The following PTPRT variants were observed in gnomAD, a reference collection of about 807,000 sequenced individuals.
PTPRT encodes the protein receptor-type tyrosine-protein phosphatase T.
PTPRT carries 56 observed loss-of-function variants against 176.8 expected under a neutral mutation model. That is an observed-to-expected ratio of 0.32 (90% CI 0.26 to 0.40). PTPRT has a LOEUF of 0.40. Among genes scored for constraint, PTPRT ranks in the 10% least tolerant of loss-of-function variants. The pLI is 1.00. For missense variants in PTPRT, 1,540 were observed against 1,908.2 expected (o/e 0.81, Z 3.60); for synonymous variants, 783 against 739.0 (o/e 1.06, Z -0.96).
intron 16 of PTPRT, among the ~76,000 whole-genome samples, chr20:42,189,432 A>T (rs1413404292): frequency 2.0e-5 from 3 of 152,202 alleles, no homozygotes. Flanking sequence ...GAGGACAGTA[A>T]TATCATTGGA....
At chr20:42,526,546 T>C (rs928196285) in intron 7 of PTPRT, among the ~76,000 whole-genome samples, 1 of 152,194 alleles carries the variant, frequency 6.6e-6, no homozygotes, top group African/African-American at 2.4e-5. Context: ...AGATAATTGC[T>C]TAATTTTCTT....
chr20:42,799,790 G>A (rs978410802), intron 2 of PTPRT, among the ~76,000 whole-genome samples: 1 of 152,074 alleles, frequency 6.6e-6, no homozygotes, highest in Non-Finnish European at 1.5e-5. Context: ...GTTTCTTCAC[G>A]TGCAAAACAG....
At chr20:42,265,319 A>G (rs2056821274) in intron 13 of PTPRT, among the ~76,000 whole-genome samples, 1 of 152,054 alleles carries the variant, frequency 6.6e-6, no homozygotes, top group Non-Finnish European at 1.5e-5. Context: ...TAGTTTCATC[A>G]TTTCAGAGTT....
At chr20:42,354,085 T>A (rs566349904) in intron 9 of PTPRT, among the ~76,000 whole-genome samples, 2 of 152,108 alleles carry the variant, frequency 1.3e-5, no homozygotes, top group South Asian at 4.2e-4. Flanking sequence ...AATTATGGTA[T>A]AATATACATA....
intron 19 of PTPRT, among the ~76,000 whole-genome samples, chr20:42,127,759 C>A (rs751979221): frequency 1.3e-5 from 2 of 152,212 alleles, no homozygotes; most frequent in Non-Finnish European, 2.9e-5. Flanking sequence ...AGCAAATTCT[C>A]TCACTTCCAT....
intron 12 of PTPRT, among the ~76,000 whole-genome samples, chr20:42,292,770 G>A (rs767744947): frequency 4.6e-5 from 7 of 152,170 alleles, no homozygotes; most frequent in Non-Finnish European, 7.3e-5. Context: ...TGTTTGACTT[G>A]ACGCAGGACC....
At chr20:42,658,562 T>G (rs74517662) in intron 7 of PTPRT, among the ~76,000 whole-genome samples, 1,933 of 152,272 alleles carry the variant, frequency 0.013, 38 homozygotes, top group Middle Eastern at 0.051. Context: ...CCCCAGCTAG[T>G]AATATGTGCA....
At chr20:42,489,788 G>A (rs1368567478) in intron 7 of PTPRT, among the ~76,000 whole-genome samples, 1 of 144,890 alleles carries the variant, frequency 6.9e-6, no homozygotes, top group African/African-American at 2.9e-5. Context: ...CTTTCCCTAT[G>A]AAAGACACAA....
chr20:42,564,070 A>C (rs570534954), intron 7 of PTPRT, among the ~76,000 whole-genome samples: 5 of 152,310 alleles, frequency 3.3e-5, no homozygotes, highest in African/African-American at 1.2e-4. Context: ...TTACAGGGCC[A>C]GGGCTGGAGG....
In PTPRT at chr20:42,367,387, G is replaced by A. The variant is rs142840454; in HGVS notation, c.1561-15102C>T. On this transcript the variant is annotated intron_variant, in intron 9 of 30. Transcript: ENST00000373187. ...TTGGGGAAACCACAGACTCATTCAT[G>A]TGGAGTCAATAACTATCTCTTGGGC... 9.5e-3 allele frequency among the ~76,000 whole-genome samples: 1,441 copies of A among 152,304 alleles called. 17 individuals carry two copies. Among genetic ancestry groups the A allele is most frequent in the Middle Eastern group, 0.051 (15 of 294 alleles).
At chr20:42,747,614 T>A (rs773537886) in intron 6 of PTPRT, among the ~76,000 whole-genome samples, 3 of 152,018 alleles carry the variant, frequency 2.0e-5, no homozygotes, top group Non-Finnish European at 2.9e-5. Flanking sequence ...AGAGACCAGA[T>A]CGATAAAACA....
intron 1 of PTPRT, among the ~76,000 whole-genome samples, chr20:43,185,831 C>T (rs1359007250): frequency 2.0e-5 from 3 of 152,024 alleles, no homozygotes; most frequent in Non-Finnish European, 4.4e-5. Context: ...ACTTGGGAGG[C>T]GGAGGCAGGA....
intron 3 of PTPRT, among the ~76,000 whole-genome samples, chr20:42,785,730 G>T (rs576306223): frequency 2.0e-5 from 3 of 152,346 alleles, no homozygotes; most frequent in Non-Finnish European, 4.4e-5. Flanking sequence ...TTATCCAAGG[G>T]AGGGCATGGA....
At chr20:42,055,853 G>C in the PTPRT span, among the ~76,000 whole-genome samples, 38,977 of 152,174 alleles carry the variant, frequency 0.26, 5,766 homozygotes, top group Non-Finnish European at 0.34. Flanking sequence ...AGTGGAACCA[G>C]AAAGGGTAGA....
chr20:43,048,933 T>A (rs1385573618), intron 1 of PTPRT, among the ~76,000 whole-genome samples: 2 of 152,116 alleles, frequency 1.3e-5, no homozygotes, highest in African/African-American at 4.8e-5. Flanking sequence ...AGGTAACACA[T>A]CTGCCCTGCT....
At chr20:42,168,433 GCT>G (rs1989925413) in intron 16 of PTPRT, among the ~76,000 whole-genome samples, 1 of 152,164 alleles carries the variant, frequency 6.6e-6, no homozygotes, top group South Asian at 2.1e-4. Context: ...GTGGAACCTG[GCT>G]GGCAGTCAGT....
At chr20:43,040,753 G>A (rs987039226) in intron 1 of PTPRT, among the ~76,000 whole-genome samples, 2 of 152,184 alleles carry the variant, frequency 1.3e-5, no homozygotes, top group Non-Finnish European at 2.9e-5. Flanking sequence ...AGCTAGACCT[G>A]CCTGAGGCCA....
At chr20:42,586,365 C>T (rs1431691104) in intron 7 of PTPRT, among the ~76,000 whole-genome samples, 1 of 152,170 alleles carries the variant, frequency 6.6e-6, no homozygotes, top group Non-Finnish European at 1.5e-5. Context: ...TCTTGCAAAA[C>T]CATTTTGATT....
chr20:42,606,876 G>C (rs922973004), intron 7 of PTPRT: 1 of 152,210 alleles, frequency 6.6e-6, no homozygotes, highest in Admixed American at 6.5e-5. Flanking sequence ...GTGGCACTGA[G>C]TATGCCCATG....
Sources: gnomAD v4.1 joint callset for allele counts (sites outside exome capture counted in the v4.1 genomes callset) on GRCh38, gnomAD v4.1.1 for gene constraint, MANE v1.5 for transcripts, NCBI Gene and HGNC (gene_info 2026-07-23, HGNC 2026-07-21) for gene names.